The following EP400 variants were observed in gnomAD, a reference collection of about 807,000 sequenced individuals.
EP400 encodes E1A binding protein p400, also known as E1A-binding protein p400.
EP400 carries 105 observed loss-of-function variants against 354.1 expected under a neutral mutation model. The observed-to-expected ratio is 0.30, with a 90% CI of 0.25 to 0.35. The LOEUF is 0.35. EP400 is among the 10% of genes least tolerant of loss of function. EP400 has a pLI of 1.00. For synonymous variants in EP400, 1,646 were observed against 1,716.9 expected (o/e 0.96, Z 1.02); for missense variants, 3,280 against 4,121.0 (o/e 0.80, Z 5.59).
chr12:131,959,188 T>C (rs1301056489), intron 1 of EP400, among the ~76,000 whole-genome samples: 1 of 152,198 alleles, frequency 6.6e-6, no homozygotes, highest in Non-Finnish European at 1.5e-5. Flanking sequence ...ATGAGATTTT[T>C]GCTCCTTTAT....
In EP400 at chr12:132,013,402, C is replaced by G; in HGVS notation, c.3612-88C>G. The G allele has an allele frequency of 1.4e-6, 2 of 1,478,752 alleles. No homozygotes were observed. Among genetic ancestry groups the G allele is most frequent in the Non-Finnish European group, 1.8e-6 (2 of 1,103,092 alleles). The allele number at this position is 1,478,752 out of a possible 1,614,324, so 91.6% of individuals were successfully genotyped here. A position where few individuals can be genotyped will look rare whatever the true frequency, so the allele number is the denominator to read the frequency against. On this transcript the variant is annotated intron_variant, in intron 17 of 52. Coordinates refer to ENST00000389561, the MANE Select transcript of EP400 (RefSeq NM_015409.5). The surrounding 1 kb of genome is among the most constrained non-coding windows in gnomAD (Gnocchi z 4.5). ...ACATTTGCGGTGTCAAATTACTGTC[C>G]CTTTTCTCACACATTGTCAGAGAAG... is the stretch of plus-strand genomic sequence containing the variant.
In EP400 at chr12:131,994,908, G is replaced by A. The variant is rs762217027; in HGVS notation, c.2779G>A (p.Glu927Lys). ...EETIEEEEAN[E>K]GVVDHQTELS... is the part of the protein sequence containing the mutation. Reference sequence around the variant, plus strand: ...AACAATTGAAGAGGAGGAAGCAAATGAAGGCGTTGTGGACCACCAAACAGA... The same window carrying A: ...AACAATTGAAGAGGAGGAAGCAAATAAAGGCGTTGTGGACCACCAAACAGA... Residue 927 changes from glutamate to lysine, a missense_variant, in exon 12 of 53, where the codon GAA (glutamate) becomes AAA (lysine). By Grantham distance (56) the Glu-to-Lys change is moderately conservative. Coordinates refer to ENST00000389561, the MANE Select transcript of EP400 (RefSeq NM_015409.5). The surrounding 1 kb of genome is among the most constrained non-coding windows in gnomAD (Gnocchi z 4.6). 6.2e-7 allele frequency: 1 copy of A among 1,614,164 alleles called. No homozygotes were observed.
chr12:131,961,474 G>A lies in EP400; in HGVS notation c.855G>A (p.Gly285=), dbSNP rs1891879889. 12 of 1,556,012 alleles carry A rather than the reference G, an allele frequency of 7.7e-6. No homozygotes were observed. The East Asian group carries it at 2.9e-4, about 37-fold the overall frequency. ...QLVQQQQVLQ[G]PPLPRPLGFE... is the part of the protein sequence containing the mutation. ...TTCAGCAGCAGCAGGTGCTGCAGGG[G>A]CCGCCGCTGCCCCGGCCCCTGGGCT... The change falls in exon 2 of 53, where the codon GGG becomes GGA. Residue 285 remains glycine (G), a synonymous_variant. Transcript: ENST00000389561.
In EP400 at chr12:131,959,326, A is replaced by G. The variant is rs1412354702; in HGVS notation, c.-35-1259A>G. Among the ~76,000 whole-genome samples, 9 of 152,128 alleles carry G rather than the reference A, an allele frequency of 5.9e-5. 1 individual carries two copies. In the East Asian group the frequency reaches 1.5e-3, roughly 26 times the overall value. On this transcript the variant is annotated intron_variant, in intron 1 of 52. Coordinates refer to ENST00000389561, the MANE Select transcript of EP400 (RefSeq NM_015409.5). Reference sequence around the variant, plus strand: ...AGGTGCCACTCACCATTGCGTTTGCACCCTTGCTTCTCTTAGGGGAGAAAG... The same window carrying G: ...AGGTGCCACTCACCATTGCGTTTGCGCCCTTGCTTCTCTTAGGGGAGAAAG...
Position 131,970,292 on chromosome 12 carries a change from C to T in EP400, c.1335+8338C>T, listed in dbSNP as rs532960842. 3.9e-5 allele frequency among the ~76,000 whole-genome samples: 6 copies of T among 152,328 alleles called. No individual in the cohort carries two copies. In the South Asian group the frequency reaches 1.2e-3, roughly 32 times the overall value. The stretch of plus-strand genomic sequence containing the variant: ...AACTGCTCAGAATTCCTGTTCCATG[C>T]ACCAGATTGCCAGAAGTTAAACTGG... On this transcript the variant is annotated intron_variant, in intron 2 of 52. Transcript: ENST00000389561.
In EP400 at chr12:131,987,855, C is replaced by T; in HGVS notation, c.2374C>T (p.Gln792Ter). 6.2e-7 allele frequency: 1 copy of T among 1,612,482 alleles called. No individual in the cohort carries two copies. The highest frequency in any genetic ancestry group is 8.5e-7 in the Non-Finnish European group (1 of 1,179,258). ...EMQWMATDFA[Q>*]ERRWKVAAAK... is the part of the protein sequence containing the mutation. ...GCAGTGGATGGCCACAGACTTTGCC[C>T]AGGAGAGGAGGTGGAAGGTGGCTGC... The change falls in exon 7 of 53, where the codon CAG (glutamine) becomes TAG (stop). Residue 792 changes from glutamine to a stop codon, truncating the protein, a stop_gained. Transcript: ENST00000389561. LOFTEE classifies it high-confidence loss of function.
At chr12:131,963,447 G>A (rs1024304709) in intron 2 of EP400, 5 of 938,936 alleles carry the variant, frequency 5.3e-6, no homozygotes, top group Non-Finnish European at 8.3e-6. Flanking sequence ...AAATGTCAGT[G>A]AGCTATCAGC....
At chr12:132,039,132 A>G (rs1326664498) in intron 32 of EP400, among the ~76,000 whole-genome samples, 8 of 151,788 alleles carry the variant, frequency 5.3e-5, no homozygotes, top group Admixed American at 2.0e-4. Flanking sequence ...GCTTGTTCTT[A>G]CCAACTCTGG....
intron 45 of EP400, among the ~76,000 whole-genome samples, chr12:132,056,031 G>T (rs1235686362): frequency 6.6e-6 from 1 of 151,904 alleles, no homozygotes; most frequent in Non-Finnish European, 1.5e-5. Flanking sequence ...GAGACCCCAG[G>T]TGTGGGAAGC....
rs1894027422 is a variant in EP400 at position 132,018,791 on chromosome 12, G to A, written c.4277+415G>A. Among the ~76,000 whole-genome samples the A allele has an allele frequency of 6.6e-6, 1 of 152,134 alleles. No individual in the cohort carries two copies. On this transcript the variant is annotated intron_variant, in intron 21 of 52. Transcript: ENST00000389561. This position sits in a 1 kb window ranked among gnomAD's most constrained non-coding sequence, Gnocchi z 4.0. ...AGTGATTCTGAAGTGATGCTTTTGC[G>A]GGTGTCATGAGGCTGGGAGGGACAG...
intron 2 of EP400, among the ~76,000 whole-genome samples, chr12:131,967,789 G>A (rs1047360260): frequency 1.8e-4 from 27 of 151,392 alleles, no homozygotes; most frequent in African/African-American, 5.6e-4. Context: ...AGTTCTCTTC[G>A]TTTTGCTTCT....
At chr12:131,988,237 A>G (rs1054539170) in intron 7 of EP400, among the ~76,000 whole-genome samples, 1 of 151,792 alleles carries the variant, frequency 6.6e-6, no homozygotes, top group African/African-American at 2.4e-5. Context: ...TTGGAGAATA[A>G]CTGTGCTGTG....
chr12:131,977,212 C>G (rs1310169867), intron 2 of EP400, among the ~76,000 whole-genome samples: 2 of 152,192 alleles, frequency 1.3e-5, no homozygotes, highest in African/African-American at 2.4e-5. Context: ...TCTCGGCTCA[C>G]TGCAAGCTCT....
rs138811928 is a variant in EP400 at position 132,031,256 on chromosome 12, G to A, written c.5755-697G>A. The A allele has an allele frequency of 2.7e-3, 1,377 of 519,028 alleles. 8 individuals are homozygous for A. Among genetic ancestry groups the A allele is most frequent in the Non-Finnish European group, 4.0e-3 (1,030 of 259,960 alleles). 32.2% of individuals were successfully genotyped at this position (519,028 alleles called of 1,614,324 possible). On this transcript the variant is annotated intron_variant, in intron 29 of 52. Coordinates refer to ENST00000389561, the MANE Select transcript of EP400 (RefSeq NM_015409.5). ...AGCCTTACTCCAGGGACTTTTTGTT[G>A]CCTGTAAAGTGCTCTGGCATTGCCT...
chr12:132,065,378 C>G (rs147956290), intron 48 of EP400: 350 of 161,446 alleles, frequency 2.2e-3, no homozygotes, highest in Non-Finnish European at 3.4e-3. Flanking sequence ...TCAGCAGGTG[C>G]CAGCGTCCCG....
chr12:132,017,415 C>T lies in EP400; in HGVS notation c.3924-120C>T, dbSNP rs529170134. 6.6e-5 allele frequency: 68 copies of T among 1,036,840 alleles called. 1 individual carries two copies. In the African/African-American group the frequency reaches 7.6e-4, roughly 12 times the overall value. 64.2% of individuals were successfully genotyped at this position (1,036,840 alleles called of 1,614,324 possible). ...TGGCCACTCTGTCTAACTCATTAAG[C>T]GGACCTAGAAAATCTGCTCCTGCCT... On this transcript the variant is annotated intron_variant, in intron 19 of 52. Transcript: ENST00000389561. This position sits in a 1 kb window ranked among gnomAD's most constrained non-coding sequence, Gnocchi z 5.0.
Position 131,986,796 on chromosome 12 carries a change from C to A in EP400, c.2212C>A (p.Gln738Lys), listed in dbSNP as rs1258582163. 1 of 1,606,170 alleles carries A rather than the reference C, an allele frequency of 6.2e-7. No individual in the cohort carries two copies. ...QDSSQDTLTEQITLENQVHQR... is the reference protein window; with the variant it reads ...QDSSQDTLTEKITLENQVHQR... ...CAGTTCTCAGGATACGCTGACAGAA[C>A]AAATAACTCTGGTAAGCATGCTTAA... is the stretch of plus-strand genomic sequence containing the variant. The change falls in exon 6 of 53, where the codon CAA (glutamine) becomes AAA (lysine). Residue 738 changes from glutamine (Q) to lysine (K), a missense_variant. Gln to Lys is a moderately conservative substitution (Grantham distance 53). This residue lies in a region of EP400 where 800 missense variants were observed against 840.0 expected (regional missense o/e 0.95). Coordinates refer to ENST00000389561, the MANE Select transcript of EP400 (RefSeq NM_015409.5).
In EP400 at chr12:132,031,891, C is replaced by G. The variant is rs1443246186; in HGVS notation, c.5755-62C>G. On this transcript the variant is annotated intron_variant, in intron 29 of 52. Transcript: ENST00000389561. Reference sequence around the variant, plus strand: ...TATTTCTAATTAATAAATGTTGAAACGTGTCAAAGGTTTCCCAACATTTTC... The same window carrying G: ...TATTTCTAATTAATAAATGTTGAAAGGTGTCAAAGGTTTCCCAACATTTTC... 5 of 1,488,038 alleles carry G rather than the reference C, an allele frequency of 3.4e-6. No individual in the cohort carries two copies. In the South Asian group the frequency reaches 5.1e-5, roughly 15 times the overall value. The allele number at this position is 1,488,038 out of a possible 1,614,324, so 92.2% of individuals were successfully genotyped here.
At chr12:132,008,740 C>A (rs752485958) in intron 15 of EP400, among the ~76,000 whole-genome samples, 1 of 151,172 alleles carries the variant, frequency 6.6e-6, no homozygotes, top group Non-Finnish European at 1.5e-5. Context: ...GCCTCAGCCT[C>A]CCAAGTAGCT....
Sources: allele counts gnomAD v4.1 joint callset (sites outside exome capture counted in the v4.1 genomes callset), GRCh38; gene constraint gnomAD v4.1.1; regional missense constraint gnomAD v4.1.1; non-coding constraint Gnocchi (gnomAD v3.1); transcripts MANE v1.5; gene names NCBI Gene and HGNC (gene_info 2026-07-23, HGNC 2026-07-21).